Variants in DLG2 observed in about 807,000 individuals in gnomAD.
The protein encoded by DLG2 is disks large homolog 2.
DLG2 carries 45 observed loss-of-function variants against 132.5 expected under a neutral mutation model. That is an observed-to-expected ratio of 0.34 (90% CI 0.27 to 0.44). DLG2 has a LOEUF of 0.44. Ranked by LOEUF, DLG2 falls within the 20% of genes least tolerant of loss-of-function variation. DLG2 has a pLI of 1.00. For synonymous variants in DLG2, 424 were observed against 419.6 expected, an observed-to-expected ratio of 1.01 and a Z score of -0.13; for missense variants, 1,045 against 1,196.9, an observed-to-expected ratio of 0.87 and a Z score of 1.87.
chr11:85,306,434 A>AC (rs1366663527), intron 3 of DLG2, among the ~76,000 whole-genome samples: 1 of 152,192 alleles, frequency 6.6e-6, no homozygotes, highest in Non-Finnish European at 1.5e-5. Context: ...TGGCAAATAA[A>AC]CCTAGTCTCA....
intron 6 of DLG2, chr11:84,923,129 A>C (rs2092837537): frequency 6.2e-7 from 1 of 1,613,694 alleles, no homozygotes; most frequent in African/African-American, 1.3e-5. Context: ...TGCAGTAAAT[A>C]AGGAGCATAT....
chr11:83,766,276 G>A (rs938064258), intron 18 of DLG2, among the ~76,000 whole-genome samples: 2 of 151,722 alleles, frequency 1.3e-5, no homozygotes, highest in Admixed American at 6.6e-5. Context: ...TGTATTTTTA[G>A]TACAGATGGG....
intron 6 of DLG2, among the ~76,000 whole-genome samples, chr11:84,552,738 A>C (rs957190937): frequency 6.6e-6 from 1 of 152,160 alleles, no homozygotes; most frequent in African/African-American, 2.4e-5. Context: ...TTGTTAAGTG[A>C]ATATTAGCCA....
intron 11 of DLG2, among the ~76,000 whole-genome samples, chr11:84,051,927 A>T (rs1438184422): frequency 6.6e-6 from 1 of 151,808 alleles, no homozygotes; most frequent in Non-Finnish European, 1.5e-5. Context: ...GAAAAAAAGG[A>T]CGTCCAAGGC....
At chr11:83,625,869 G>T (rs2153444604) in intron 19 of DLG2, among the ~76,000 whole-genome samples, 1 of 152,318 alleles carries the variant, frequency 6.6e-6, no homozygotes, top group South Asian at 2.1e-4. Context: ...GATGCAACCA[G>T]ACTCGATGCA....
At chr11:84,633,463 T>C (rs767372173) in intron 6 of DLG2, among the ~76,000 whole-genome samples, 1 of 152,232 alleles carries the variant, frequency 6.6e-6, no homozygotes, top group African/African-American at 2.4e-5. Flanking sequence ...TACTCATTCA[T>C]TGAGAATCAA....
At chr11:85,494,373 C>T (rs1487420953) in intron 3 of DLG2, among the ~76,000 whole-genome samples, 1 of 152,108 alleles carries the variant, frequency 6.6e-6, no homozygotes, top group Non-Finnish European at 1.5e-5. Flanking sequence ...AACAAAATAG[C>T]TCAGTGTGTC....
chr11:84,817,418 T>C (rs1426103779), intron 6 of DLG2, among the ~76,000 whole-genome samples: 4 of 151,974 alleles, frequency 2.6e-5, no homozygotes, highest in Non-Finnish European at 4.4e-5. Flanking sequence ...TATTATGTTG[T>C]TGTTTTTCAA....
intron 6 of DLG2, among the ~76,000 whole-genome samples, chr11:85,059,650 T>C (rs1294321359): frequency 2.0e-5 from 3 of 151,282 alleles, no homozygotes; most frequent in African/African-American, 7.3e-5. Context: ...TAATTTTGAG[T>C]GAAATAAGCA....
chr11:85,005,699 C>T (rs1256647386), intron 6 of DLG2, among the ~76,000 whole-genome samples: 1 of 152,142 alleles, frequency 6.6e-6, no homozygotes, highest in Non-Finnish European at 1.5e-5. Flanking sequence ...TCCTCTCTTC[C>T]TATTTGAATA....
intron 18 of DLG2, among the ~76,000 whole-genome samples, chr11:83,773,989 T>C (rs1220722595): frequency 2.0e-5 from 3 of 152,222 alleles, no homozygotes; most frequent in African/African-American, 7.2e-5. Context: ...GGTAAGATCC[T>C]TGCTTCATGT....
chr11:85,583,056 A>AT (rs2078664728), intron 3 of DLG2, among the ~76,000 whole-genome samples: 3 of 108,270 alleles, frequency 2.8e-5, no homozygotes, highest in East Asian at 2.5e-4. Flanking sequence ...GGGAAAAAAA[A>AT]AATATATATA....
chr11:83,480,387 T>C, intron 22 of DLG2: 1 of 1,535,498 alleles, frequency 6.5e-7, no homozygotes, highest in African/African-American at 1.4e-5. Context: ...CTACTTTCGC[T>C]ATCGCTGGCA....
At chr11:85,598,065 TAGG>T (rs1235060186) in intron 3 of DLG2, among the ~76,000 whole-genome samples, 7 of 151,860 alleles carry the variant, frequency 4.6e-5, no homozygotes, top group Non-Finnish European at 1.0e-4. Context: ...CTTTAATAAA[TAGG>T]AGAATAAACA....
intron 7 of DLG2, among the ~76,000 whole-genome samples, chr11:84,378,896 A>C (rs2098739681): frequency 6.6e-6 from 1 of 152,118 alleles, no homozygotes; most frequent in Non-Finnish European, 1.5e-5. Flanking sequence ...CAGTGAACCA[A>C]GATCGCGCCA....
At chr11:84,422,361 G>A (rs7935614) in intron 7 of DLG2, among the ~76,000 whole-genome samples, 23,075 of 152,056 alleles carry the variant, frequency 0.15, 3,348 homozygotes, top group African/African-American at 0.38. Flanking sequence ...ATAGCCTACC[G>A]CAGTTCTGGG....
At chr11:83,570,854 C>T (rs2096784433) in intron 19 of DLG2, among the ~76,000 whole-genome samples, 1 of 152,076 alleles carries the variant, frequency 6.6e-6, no homozygotes, top group Admixed American at 6.6e-5. Context: ...GATCTATGCT[C>T]AGGTTAAATG....
chr11:83,865,116 G>C (rs1280124983), intron 16 of DLG2, among the ~76,000 whole-genome samples: 1 of 152,174 alleles, frequency 6.6e-6, no homozygotes, highest in Non-Finnish European at 1.5e-5. Context: ...CTTTTGTCTA[G>C]ACTTATTTTC....
intron 3 of DLG2, among the ~76,000 whole-genome samples, chr11:85,412,849 T>G (rs1046512112): frequency 6.6e-6 from 1 of 151,256 alleles, no homozygotes; most frequent in Non-Finnish European, 1.5e-5. Flanking sequence ...TTTTTGCAAT[T>G]GTAAACTGTG....
Sources: allele counts gnomAD v4.1 joint callset (sites outside exome capture counted in the v4.1 genomes callset), GRCh38; gene constraint gnomAD v4.1.1; transcripts MANE v1.5; gene names NCBI Gene and HGNC (gene_info 2026-07-23, HGNC 2026-07-21).